The following LANCL1 variants were observed in gnomAD, a reference collection of about 807,000 sequenced individuals.
LANCL1 encodes glutathione S-transferase LANCL1.
A neutral mutation model predicts 50.6 loss-of-function variants in LANCL1; 50 were observed. The observed-to-expected ratio is 0.99, with a 90% CI of 0.79 to 1.25. The LOEUF is 1.25. Ranked by LOEUF, LANCL1 falls within the 50% of genes most tolerant of loss-of-function variation. LANCL1 has a pLI of 0.00. For missense variants in LANCL1, 532 were observed against 480.7 expected (o/e 1.11, Z -1.00); for synonymous variants, 188 against 178.6 (o/e 1.05, Z -0.42).
rs1241821642 is a variant in LANCL1 at position 210,436,251 on chromosome 2, T to TGA, written c.1013_1014dup (p.Thr339SerfsTer5). The TGA allele has an allele frequency of 1.2e-6, 2 of 1,613,816 alleles. No individual in the cohort carries two copies. Among genetic ancestry groups the TGA allele is most frequent in the East Asian group, 4.5e-5 (2 of 44,864 alleles). On this transcript the variant is annotated frameshift_variant, in exon 8 of 10. Transcript: ENST00000450366. LOFTEE classifies it high-confidence loss of function. ...CTATACAGGTACTTCATGTCCTGTGTGAGGTTGTAGAGTGTCAGGAAGGCA... is the reference window on the plus strand; with the variant it reads ...CTATACAGGTACTTCATGTCCTGTGTGAGAGGTTGTAGAGTGTCAGGAAGGCA...
chr2:210,435,052 T>C (rs930825093), intron 9 of LANCL1, among the ~76,000 whole-genome samples: 2 of 152,072 alleles, frequency 1.3e-5, no homozygotes, highest in Admixed American at 1.3e-4. Flanking sequence ...AGCCCTGCCA[T>C]TTACCAAACA....
chr2:210,454,164 T>A (rs1206785751), intron 4 of LANCL1, among the ~76,000 whole-genome samples: 1 of 149,872 alleles, frequency 6.7e-6, no homozygotes, highest in Non-Finnish European at 1.5e-5. Context: ...TTAGTTACAA[T>A]AAGAAAATAT....
chr2:210,436,416 T>C (rs1354372269), intron 7 of LANCL1, 24 bp from the exon 8 acceptor site: 1 of 1,607,770 alleles, frequency 6.2e-7, no homozygotes, highest in Admixed American at 1.7e-5. Context: ...GGACACATTT[T>C]ATTATACGGG....
intron 8 of LANCL1, among the ~76,000 whole-genome samples, chr2:210,435,678 AGAAAG>A (rs1419776684): frequency 6.6e-6 from 1 of 152,174 alleles, no homozygotes; most frequent in African/African-American, 2.4e-5. Context: ...TTATTCAAGA[AGAAAG>A]GCACAAAATC....
chr2:210,437,087 C>CT lies in LANCL1; in HGVS notation c.873+602dup, dbSNP rs200138104. Reference sequence around the variant, plus strand: ...ATTTGGCACCAATGGTCATAGATATCTTTTTTTTTCTCAACTAAAAATCTG... The same window carrying CT: ...ATTTGGCACCAATGGTCATAGATATCTTTTTTTTTTCTCAACTAAAAATCTG... On this transcript the variant is annotated intron_variant, in intron 7 of 9. Transcript: ENST00000450366. Among the ~76,000 whole-genome samples, 778 of 151,758 alleles carry CT rather than the reference C, an allele frequency of 5.1e-3. 3 individuals are homozygous for CT. Among genetic ancestry groups the CT allele is most frequent in the Middle Eastern group, 6.8e-3 (2 of 294 alleles).
intron 2 of LANCL1, 89 bp downstream of exon 2, chr2:210,476,227 G>C: frequency 1.3e-6 from 1 of 769,726 alleles, no homozygotes; most frequent in Non-Finnish European, 2.2e-6. Context: ...TTTTAAAGGG[G>C]GATGCTCAAC....
rs139967847 is a variant in LANCL1 at position 210,471,246 on chromosome 2, A to G, written c.199+713T>C. Among the ~76,000 whole-genome samples, 506 of 151,242 alleles carry G rather than the reference A, an allele frequency of 3.3e-3. 2 individuals carry two copies. Among genetic ancestry groups the G allele is most frequent in the African/African-American group, 6.4e-3 (264 of 41,238 alleles). ...AGTTTTAGTAAAGATGGGGTTGCACAGTGTTGGCCAGGATGGTCTTGATCT... is the reference window on the plus strand; with the variant it reads ...AGTTTTAGTAAAGATGGGGTTGCACGGTGTTGGCCAGGATGGTCTTGATCT... On this transcript the variant is annotated intron_variant, in intron 3 of 9. Coordinates refer to ENST00000450366, the MANE Select transcript of LANCL1 (RefSeq NM_006055.3).
rs1474034601 is a variant in LANCL1 at position 210,433,813 on chromosome 2, A to G, written c.*674T>C. The G allele has an allele frequency of 6.6e-6, 1 of 152,240 alleles. No individual in the cohort carries two copies. Among genetic ancestry groups the G allele is most frequent in the Non-Finnish European group, 1.5e-5 (1 of 68,034 alleles). The allele number at this position is 152,240 out of a possible 1,614,324, so 9.4% of individuals were successfully genotyped here. On this transcript the variant is annotated 3_prime_UTR_variant, in exon 10 of 10. Coordinates refer to ENST00000450366, the MANE Select transcript of LANCL1 (RefSeq NM_006055.3). ...ATTTTCACAATGATCATCATGTTTTATAAGTTTTTGATTAAAAATGTTGGC... is the reference window on the plus strand; with the variant it reads ...ATTTTCACAATGATCATCATGTTTTGTAAGTTTTTGATTAAAAATGTTGGC...
intron 3 of LANCL1, among the ~76,000 whole-genome samples, chr2:210,455,890 A>C (rs1198321065): frequency 1.3e-5 from 2 of 151,680 alleles, no homozygotes; most frequent in African/African-American, 4.8e-5. Context: ...AGGGATTATA[A>C]GAAAGTTATT....
At position 210,441,234 on chromosome 2, in the gene LANCL1, A is replaced by G. The variant is rs1693120418; in HGVS notation, c.543+74T>C. 17 of 1,452,370 alleles carry G rather than the reference A, an allele frequency of 1.2e-5. 1 individual carries two copies. The South Asian group carries it at 2.0e-4, about 17-fold the overall frequency. 90.0% of individuals were successfully genotyped at this position (1,452,370 alleles called of 1,614,324 possible). A position where few individuals can be genotyped will look rare whatever the true frequency, so the allele number is the denominator to read the frequency against. ...TATGGAATGTGCTAACTACAGAGAC[A>G]TAAACAATAGTTTAGGCAGATAGTA... On this transcript the variant is annotated intron_variant, in intron 5 of 9. Transcript: ENST00000450366.
At chr2:210,474,239 G>T (rs1336270018) in intron 2 of LANCL1, among the ~76,000 whole-genome samples, 2 of 152,026 alleles carry the variant, frequency 1.3e-5, no homozygotes, top group Non-Finnish European at 2.9e-5. Flanking sequence ...CTGAAATCTT[G>T]TGTTAAGAAA....
chr2:210,470,539 A>G (rs1478851383), intron 3 of LANCL1, among the ~76,000 whole-genome samples: 1 of 152,190 alleles, frequency 6.6e-6, no homozygotes, highest in East Asian at 1.9e-4. Context: ...TTACCAGTTG[A>G]GTATCCCAAA....
Position 210,440,551 on chromosome 2 carries a change from A to G in LANCL1, c.690+47T>C, listed in dbSNP as rs768439651. On this transcript the variant is annotated intron_variant, in intron 6 of 9. Coordinates refer to ENST00000450366, the MANE Select transcript of LANCL1 (RefSeq NM_006055.3). The stretch of plus-strand genomic sequence containing the variant: ...TCTGTTTTCTCACCCATGATAGTAC[A>G]TGGGTCAGGAAGGACATTTTAAAAT... 2.6e-6 allele frequency: 4 copies of G among 1,562,084 alleles called. No individual in the cohort carries two copies. The African/African-American group carries it at 4.1e-5, about 16-fold the overall frequency.
In LANCL1 at chr2:210,444,374, G is replaced by T. The variant is rs1480764368; in HGVS notation, c.408-2931C>A. 2.0e-5 allele frequency among the ~76,000 whole-genome samples: 3 copies of T among 152,130 alleles called. No individual in the cohort carries two copies. In the East Asian group the frequency reaches 5.8e-4, roughly 29 times the overall value. On this transcript the variant is annotated intron_variant, in intron 4 of 9. Transcript: ENST00000450366. The stretch of plus-strand genomic sequence containing the variant: ...ACTTCCACACGCTTGTGGTGAGGGG[G>T]GAGAAAACATTTAAAATGAAGAGGA...
chr2:210,461,030 T>C (rs1443981487), intron 3 of LANCL1: 1 of 152,190 alleles, frequency 6.6e-6, no homozygotes, highest in South Asian at 2.1e-4. Context: ...AATTGGGCAC[T>C]GTGCTAAGTG....
chr2:210,475,600 C>T (rs1339854520), intron 2 of LANCL1, among the ~76,000 whole-genome samples: 7 of 152,082 alleles, frequency 4.6e-5, no homozygotes, highest in Non-Finnish European at 8.8e-5. Context: ...CCCAAAGTGT[C>T]GGGATTAATG....
chr2:210,445,024 T>C (rs1693268807), intron 4 of LANCL1, among the ~76,000 whole-genome samples: 1 of 152,264 alleles, frequency 6.6e-6, no homozygotes, highest in African/African-American at 2.4e-5. Flanking sequence ...CAAATTCAAC[T>C]GTTACAGTAA....
chr2:210,459,046 A>G (rs1325776591), intron 3 of LANCL1, among the ~76,000 whole-genome samples: 3 of 152,146 alleles, frequency 2.0e-5, no homozygotes, highest in Admixed American at 2.0e-4. Flanking sequence ...CTAAGCAAAA[A>G]ATAGAGTGGA....
chr2:210,437,705 G>A lies in LANCL1; in HGVS notation c.858C>T (p.Leu286=), dbSNP rs747034923. 1.6e-5 allele frequency: 26 copies of A among 1,597,014 alleles called. No homozygotes were observed. Among genetic ancestry groups the A allele is most frequent in the African/African-American group, 1.3e-5 (1 of 74,244 alleles). The part of the protein sequence containing the change: ...CHGAPGVIYM[L]IQAYKVFREE... ...CACACAGTACCTTATAGGCCTGGAT[G>A]AGCATGTAGATTACCCCAGGGGCGC... The change falls in exon 7 of 10, where the codon CTC becomes CTT. Residue 286 remains leucine, a synonymous_variant. Coordinates refer to ENST00000450366, the MANE Select transcript of LANCL1 (RefSeq NM_006055.3).
Sources: allele counts gnomAD v4.1 joint callset (sites outside exome capture counted in the v4.1 genomes callset), GRCh38; gene constraint gnomAD v4.1.1; transcripts MANE v1.5; gene names NCBI Gene and HGNC (gene_info 2026-07-23, HGNC 2026-07-21).